The following USH1C variants were observed in gnomAD, a reference collection of about 807,000 sequenced individuals.
USH1C encodes harmonin.
USH1C carries 90 observed loss-of-function variants against 119.3 expected under a neutral mutation model. That is an observed-to-expected ratio of 0.75 (90% CI 0.64 to 0.90). The LOEUF (loss-of-function observed/expected upper bound fraction) is 0.90, where lower values mean the gene tolerates loss of function less well. Ranked by LOEUF, USH1C falls within the 40% of genes least tolerant of loss-of-function variation. The pLI is 0.00. For missense variants in USH1C, 1,165 were observed against 1,167.7 expected (o/e 1.00, Z 0.03); for synonymous variants, 465 against 443.3 (o/e 1.05, Z -0.62).
intron 15 of USH1C, chr11:17,514,767 T>C (rs1234050672): frequency 6.6e-6 from 1 of 151,550 alleles, no homozygotes; most frequent in Non-Finnish European, 1.5e-5. Flanking sequence ...GATGGGGCGA[T>C]TGTGCTATTG....
At position 17,527,271 on chromosome 11, in the gene USH1C, C is replaced by T. The variant is rs1850744294; in HGVS notation, c.448G>A (p.Val150Ile). Residue 150 changes from valine (V) to isoleucine (I), a missense_variant, in exon 5 of 27, where the codon GTC becomes ATC. By Grantham distance (29) the Val-to-Ile change is conservative (BLOSUM62 3). Coordinates refer to ENST00000005226, the MANE Select transcript of USH1C (RefSeq NM_153676.4). ...YSISSCTHEE[V>I]INLIRTKKTV... ...TTCTTGGTTCGAATGAGGTTGATGA[C>T]CTCCTCATGGGTACAGGAGGAGATG... 6.2e-7 allele frequency: 1 copy of T among 1,612,504 alleles called. No individual in the cohort carries two copies. The highest frequency in any genetic ancestry group is 8.5e-7 in the Non-Finnish European group (1 of 1,179,618).
chr11:17,537,439 G>A (rs917501501), intron 1 of USH1C, among the ~76,000 whole-genome samples: 2 of 152,102 alleles, frequency 1.3e-5, no homozygotes, highest in Non-Finnish European at 2.9e-5. Flanking sequence ...GCACACAAGC[G>A]CACGGTGCCC....
chr11:17,537,039 A>G (rs1020675744), intron 1 of USH1C, among the ~76,000 whole-genome samples: 3 of 152,204 alleles, frequency 2.0e-5, no homozygotes, highest in Non-Finnish European at 4.4e-5. Context: ...GAGTGAAAAC[A>G]CACACTCACA....
chr11:17,527,008 C>T lies in USH1C; in HGVS notation c.521+8G>A. ...GAAGAGTTGGCCTGCAGAGGAGGGG[C>T]CTCTCACCTTTTCACGGGGATCAGG... is the stretch of plus-strand genomic sequence containing the variant. On this transcript the variant is annotated splice_region_variant and intron_variant, in intron 6 of 26. Transcript: ENST00000005226. The T allele has an allele frequency of 1.9e-6, 3 of 1,563,926 alleles. No individual in the cohort carries two copies. Among genetic ancestry groups the T allele is most frequent in the East Asian group, 2.4e-5 (1 of 42,310 alleles).
intron 15 of USH1C, among the ~76,000 whole-genome samples, chr11:17,514,797 CTTTTTTTTTT>C (rs57651457): frequency 7.2e-6 from 1 of 138,938 alleles, no homozygotes; most frequent in Non-Finnish European, 1.6e-5. Flanking sequence ...AGAAGCAATT[CTTTTTTTTTT>C]TTTTTTTTTG....
chr11:17,534,487 G>A (rs1447019904), intron 1 of USH1C, among the ~76,000 whole-genome samples: 1 of 152,180 alleles, frequency 6.6e-6, no homozygotes, highest in African/African-American at 2.4e-5. Flanking sequence ...AACTTGGGAG[G>A]CTTGACTCAC....
At chr11:17,508,214 C>T (rs1049739650) in intron 18 of USH1C, among the ~76,000 whole-genome samples, 3 of 152,222 alleles carry the variant, frequency 2.0e-5, no homozygotes, top group South Asian at 2.1e-4. Context: ...AAAGATGTCC[C>T]GAGAACAGGC....
In USH1C at chr11:17,533,369, C is replaced by CCG. The variant is rs565056912; in HGVS notation, c.37-48_37-47insCG. 1.9e-4 allele frequency: 257 copies of CCG among 1,380,814 alleles called. 2 individuals carry two copies. Among genetic ancestry groups the CCG allele is most frequent in the South Asian group, 1.4e-3 (118 of 86,848 alleles). The allele number at this position is 1,380,814 out of a possible 1,614,324, so 85.5% of individuals were successfully genotyped here. A position where few individuals can be genotyped will look rare whatever the true frequency, so the allele number is the denominator to read the frequency against. On this transcript the variant is annotated intron_variant, in intron 1 of 26. Coordinates refer to ENST00000005226, the MANE Select transcript of USH1C (RefSeq NM_153676.4). ...TCACAGCTCCAGGCTCAGCACCCGC[C>CCG]CCCATAGCAGACCTCAGGGAGGAGA...
chr11:17,540,773 C>T (rs1341909906), intron 1 of USH1C, among the ~76,000 whole-genome samples: 4 of 152,206 alleles, frequency 2.6e-5, no homozygotes, highest in African/African-American at 9.6e-5. Context: ...GTCCGAGCCC[C>T]TGCCTCTGGC....
rs1390287843 is a variant in USH1C, at chr11:17,518,858, A to C, written c.1210+2012T>G. On this transcript the variant is annotated intron_variant, in intron 14 of 26. Coordinates refer to ENST00000005226, the MANE Select transcript of USH1C (RefSeq NM_153676.4). ...AACATAGTGAAACCCTGTCTCTACCAAAAATACAAAATTAGCTGGGCTTGG... is the reference window on the plus strand; with the variant it reads ...AACATAGTGAAACCCTGTCTCTACCCAAAATACAAAATTAGCTGGGCTTGG... Among the ~76,000 whole-genome samples the C allele has an allele frequency of 2.4e-4, 36 of 152,154 alleles. 1 individual carries two copies. The highest frequency in any genetic ancestry group is 2.4e-3 in the Admixed American group (36 of 15,282).
intron 15 of USH1C, chr11:17,514,678 G>C (rs888821592): frequency 1.3e-5 from 2 of 152,084 alleles, no homozygotes; most frequent in Non-Finnish European, 2.9e-5. Flanking sequence ...GCATGGTTCT[G>C]TTGTCCTTTC....
At chr11:17,521,923 G>A (rs530363477) in intron 12 of USH1C, among the ~76,000 whole-genome samples, 1 of 152,270 alleles carries the variant, frequency 6.6e-6, no homozygotes, top group East Asian at 1.9e-4. Flanking sequence ...CTGCCTCCCA[G>A]GTTCAAGTGA....
intron 14 of USH1C, 125 bp from the exon 15 acceptor site, chr11:17,516,415 T>C: frequency 1.0e-6 from 1 of 983,802 alleles, no homozygotes; most frequent in Non-Finnish European, 1.6e-6. Flanking sequence ...CATTGGCAGA[T>C]CCGACAGCAA....
At chr11:17,496,640 C>A in intron 25 of USH1C, 118 bp downstream of exon 25, 1 of 1,259,796 alleles carries the variant, frequency 7.9e-7, no homozygotes, top group Non-Finnish European at 1.1e-6. Context: ...CTATGAGAAG[C>A]TGCGTGCTTG....
chr11:17,494,869 C>T lies in USH1C; in HGVS notation c.2656-493G>A, dbSNP rs181422114. The T allele has an allele frequency of 2.6e-4, 66 of 250,718 alleles. 1 individual carries two copies. The East Asian group carries it at 4.1e-3, about 16-fold the overall frequency. 15.5% of individuals were successfully genotyped at this position (250,718 alleles called of 1,614,324 possible). On this transcript the variant is annotated intron_variant, in intron 26 of 26. Coordinates refer to ENST00000005226, the MANE Select transcript of USH1C (RefSeq NM_153676.4). ...GCTCTGTCCACGGGCACATCCCTAT[C>T]ACAGGGTGAGAAACACATCCTACAG...
intron 20 of USH1C, among the ~76,000 whole-genome samples, chr11:17,502,982 G>A (rs750547272): frequency 7.2e-5 from 11 of 152,196 alleles, no homozygotes; most frequent in Non-Finnish European, 1.3e-4. Context: ...CATGGTCTGT[G>A]TGGTGGGGAG....
chr11:17,531,081 C>G lies in USH1C; in HGVS notation c.387+73G>C. 1 of 1,608,840 alleles carries G rather than the reference C, an allele frequency of 6.2e-7. No homozygotes were observed. Among genetic ancestry groups the G allele is most frequent in the South Asian group, 1.1e-5 (1 of 90,566 alleles). ...GGGTGACCATGTTGTGCCACACAGC[C>G]TAGTGGATGAATGAGGGGGAGGCAG... On this transcript the variant is annotated intron_variant, in intron 4 of 26. Transcript: ENST00000005226. This position sits in a 1 kb window ranked among gnomAD's most constrained non-coding sequence, Gnocchi z 4.2.
At chr11:17,528,570 C>T (rs544918611) in intron 4 of USH1C, among the ~76,000 whole-genome samples, 10 of 152,346 alleles carry the variant, frequency 6.6e-5, no homozygotes, top group South Asian at 2.1e-4. Flanking sequence ...CCTTTGGAGA[C>T]GTGCTGGCAC....
At chr11:17,532,778 C>T (rs970675971) in intron 2 of USH1C, among the ~76,000 whole-genome samples, 1 of 152,204 alleles carries the variant, frequency 6.6e-6, no homozygotes, top group Non-Finnish European at 1.5e-5. Flanking sequence ...TCTCCCCTCA[C>T]CAGACCACAA....
Sources: allele counts gnomAD v4.1 joint callset (sites outside exome capture counted in the v4.1 genomes callset), GRCh38; gene constraint gnomAD v4.1.1; non-coding constraint Gnocchi (gnomAD v3.1); transcripts MANE v1.5; gene names NCBI Gene and HGNC (gene_info 2026-07-23, HGNC 2026-07-21).